Variants in CFAP97 observed in about 807,000 individuals in gnomAD.
CFAP97 encodes the protein cilia and flagella associated protein 97, also known as cilia- and flagella-associated protein 97.
A neutral mutation model predicts 43.1 loss-of-function variants in CFAP97; 36 were observed. That is an observed-to-expected ratio of 0.84 (90% CI 0.64 to 1.10). The LOEUF is 1.10. Among genes scored for constraint, CFAP97 ranks in the 50% least tolerant of loss-of-function variants. The probability of loss-of-function intolerance (pLI) is 0.00; values close to 1 mark genes in which losing one functional copy is unlikely to be tolerated. For synonymous variants in CFAP97, 228 were observed against 225.7 expected (o/e 1.01, Z -0.09); for missense variants, 657 against 620.3 (o/e 1.06, Z -0.63).
rs767336950 is a variant in CFAP97 at position 185,190,552 on chromosome 4, G to C, written c.645C>G (p.Thr215=). The stretch of plus-strand genomic sequence containing the variant: ...TATACTTGTGTTTTGGTGACAGGAG[G>C]GTTATACCAGATACATGTTTCTTAG... ...KSSKKHVSGI[T]LLSPKHKYKS... Residue 215 remains threonine (T), a synonymous_variant, in exon 2 of 5, where the codon ACC becomes ACG. Coordinates refer to ENST00000458385, the MANE Select transcript of CFAP97 (RefSeq NM_020827.3). 8 of 1,613,668 alleles carry C rather than the reference G, an allele frequency of 5.0e-6. No homozygotes were observed. The highest frequency in any genetic ancestry group is 5.9e-6 in the Non-Finnish European group (7 of 1,179,792).
At position 185,162,382 on chromosome 4, in the gene CFAP97, A is replaced by C; in HGVS notation, c.*416T>G. On this transcript the variant is annotated 3_prime_UTR_variant, in exon 5 of 5. Coordinates refer to ENST00000458385, the MANE Select transcript of CFAP97 (RefSeq NM_020827.3). ...GTCATGCCACATAAGTTCTAAAGCAAATGAAAAACAAAGCCAGCCAAATTT... is the reference window on the plus strand; with the variant it reads ...GTCATGCCACATAAGTTCTAAAGCACATGAAAAACAAAGCCAGCCAAATTT... 5.7e-6 allele frequency: 1 copy of C among 176,264 alleles called. No homozygotes were observed. The highest frequency in any genetic ancestry group is 1.2e-4 in the South Asian group (1 of 8,448). 10.9% of individuals were successfully genotyped at this position (176,264 alleles called of 1,614,324 possible).
chr4:185,174,218 TGA>T (rs139864363), intron 3 of CFAP97, among the ~76,000 whole-genome samples: 5,953 of 152,250 alleles, frequency 0.039, 378 homozygotes, highest in African/African-American at 0.13. Flanking sequence ...GAGCCAGGTG[TGA>T]GAGTGAAAAC....
chr4:185,190,937 T>C lies in CFAP97; in HGVS notation c.260A>G (p.Gln87Arg), dbSNP rs1736221682. Residue 87 changes from glutamine (Q) to arginine (R), a missense_variant, in exon 2 of 5, where the codon CAA becomes CGA. Coordinates refer to ENST00000458385, the MANE Select transcript of CFAP97 (RefSeq NM_020827.3). ...TGGCAATGAGAAAGAACTTACAGTT[T>C]GTGTAACATCATTCTCTACGGGGTG... ...PEHPVENDVTQTVSSFSLPAS... is the reference protein window; with the variant it reads ...PEHPVENDVTRTVSSFSLPAS... 1.2e-6 allele frequency: 2 copies of C among 1,613,768 alleles called. No individual in the cohort carries two copies. The highest frequency in any genetic ancestry group is 2.2e-5 in the East Asian group (1 of 44,892).
rs1010612004 is a variant in CFAP97, at chr4:185,161,581, T to C, written c.*1217A>G. ...CAATGAGATAACATACTTTGTTATA[T>C]AAAAGCCTAAGTTTCATAGAAAAAA... On this transcript the variant is annotated 3_prime_UTR_variant, in exon 5 of 5. Transcript: ENST00000458385. 3 of 152,210 alleles carry C rather than the reference T, an allele frequency of 2.0e-5. No homozygotes were observed. Among genetic ancestry groups the C allele is most frequent in the Admixed American group, 1.3e-4 (2 of 15,270 alleles). 9.4% of individuals were successfully genotyped at this position (152,210 alleles called of 1,614,324 possible).
intron 2 of CFAP97, among the ~76,000 whole-genome samples, chr4:185,177,792 G>A (rs1422954069): frequency 6.6e-6 from 1 of 152,138 alleles, no homozygotes; most frequent in Non-Finnish European, 1.5e-5. Context: ...CGGAGATCAT[G>A]CCAGTGCACT....
At chr4:185,188,470 G>A (rs1560867948) in intron 2 of CFAP97, among the ~76,000 whole-genome samples, 1 of 152,024 alleles carries the variant, frequency 6.6e-6, no homozygotes, top group Non-Finnish European at 1.5e-5. Context: ...AGCCTCCCGA[G>A]TACCTGAGAA....
rs954155811 is a variant in CFAP97 at position 185,181,157 on chromosome 4, T to C, written c.1055-5106A>G. Among the ~76,000 whole-genome samples the C allele has an allele frequency of 2.6e-5, 4 of 151,480 alleles. No homozygotes were observed. The East Asian group carries it at 7.9e-4, about 30-fold the overall frequency. On this transcript the variant is annotated intron_variant, in intron 2 of 4. Transcript: ENST00000458385. ...CAGGCATGGTGGCACACACCTGTAA[T>C]CCCAGCTACTGGGGAGGCTGAGGCA... is the stretch of plus-strand genomic sequence containing the variant.
intron 2 of CFAP97, among the ~76,000 whole-genome samples, chr4:185,176,517 T>A (rs1735549731): frequency 6.6e-6 from 1 of 152,190 alleles, no homozygotes; most frequent in African/African-American, 2.4e-5. Context: ...AGAAAAAAAT[T>A]GGACGTAGCT....
At chr4:185,171,740 G>C (rs963934322) in intron 3 of CFAP97, among the ~76,000 whole-genome samples, 4 of 152,014 alleles carry the variant, frequency 2.6e-5, no homozygotes, top group Non-Finnish European at 4.4e-5. Flanking sequence ...TTTGAGATAG[G>C]GTCTTGCTCT....
rs1200432569 is a variant in CFAP97, at chr4:185,160,344, A to C, written c.*2454T>G. 1 of 152,094 alleles carries C rather than the reference A, an allele frequency of 6.6e-6. No individual in the cohort carries two copies. The highest frequency in any genetic ancestry group is 2.4e-5 in the African/African-American group (1 of 41,390). 9.4% of individuals were successfully genotyped at this position (152,094 alleles called of 1,614,324 possible). A position where few individuals can be genotyped will look rare whatever the true frequency, so the allele number is the denominator to read the frequency against. On this transcript the variant is annotated 3_prime_UTR_variant, in exon 5 of 5. Transcript: ENST00000458385. ...TTTCTAGTTATAGATGTAAATCTTC[A>C]AAGTACATATATTCAGTACAAGTCA... is the stretch of plus-strand genomic sequence containing the variant.
At chr4:185,191,568 A>T (rs1560871444) in intron 1 of CFAP97, among the ~76,000 whole-genome samples, 1 of 152,258 alleles carries the variant, frequency 6.6e-6, no homozygotes, top group Non-Finnish European at 1.5e-5. Context: ...GCGGTGGCTC[A>T]TGCCTGTAAT....
At chr4:185,174,912 A>C (rs144354519) in intron 3 of CFAP97, among the ~76,000 whole-genome samples, 1 of 152,378 alleles carries the variant, frequency 6.6e-6, no homozygotes, top group African/African-American at 2.4e-5. Flanking sequence ...AATATGCTAT[A>C]ATAGTTTTAA....
At chr4:185,192,809 C>T (rs1233238600) in intron 1 of CFAP97, among the ~76,000 whole-genome samples, 2 of 132,488 alleles carry the variant, frequency 1.5e-5, no homozygotes, top group Admixed American at 9.0e-5. Context: ...GGTGCAATCT[C>T]GGCTCAGTGC....
At chr4:185,179,389 C>T (rs187679769) in intron 2 of CFAP97, among the ~76,000 whole-genome samples, 5 of 152,130 alleles carry the variant, frequency 3.3e-5, no homozygotes, top group Middle Eastern at 3.4e-3. Context: ...TGCCCTTTTG[C>T]GTTAAATCTG....
chr4:185,189,156 A>G (rs923579515), intron 2 of CFAP97, among the ~76,000 whole-genome samples: 1 of 152,140 alleles, frequency 6.6e-6, no homozygotes, highest in African/African-American at 2.4e-5. Context: ...AGGATTACTT[A>G]AGCCCAGGAG....
chr4:185,186,346 T>C (rs568141941), intron 2 of CFAP97, among the ~76,000 whole-genome samples: 20 of 152,220 alleles, frequency 1.3e-4, no homozygotes, highest in African/African-American at 4.8e-4. Flanking sequence ...GGTGGGAGAA[T>C]TGCTTGAACC....
upstream of CFAP97, among the ~76,000 whole-genome samples, chr4:185,205,147 T>C (rs915626452): frequency 6.6e-6 from 1 of 152,268 alleles, no homozygotes; most frequent in Non-Finnish European, 1.5e-5. Flanking sequence ...TAATCAATTC[T>C]CTTTTTGTTG....
intron 3 of CFAP97, among the ~76,000 whole-genome samples, chr4:185,167,936 T>C (rs922331027): frequency 2.0e-5 from 3 of 149,468 alleles, no homozygotes; most frequent in African/African-American, 7.5e-5. Context: ...AAGGCGGAGG[T>C]TGCAGTGAAC....
intron 3 of CFAP97, among the ~76,000 whole-genome samples, chr4:185,175,224 C>T (rs1430940896): frequency 6.6e-6 from 1 of 150,906 alleles, no homozygotes; most frequent in Non-Finnish European, 1.5e-5. Flanking sequence ...CAGTATTTTC[C>T]TTTAATGGTC....
Sources: allele counts gnomAD v4.1 joint callset (sites outside exome capture counted in the v4.1 genomes callset), GRCh38; gene constraint gnomAD v4.1.1; transcripts MANE v1.5; gene names NCBI Gene and HGNC (gene_info 2026-07-23, HGNC 2026-07-21).